The following KIRREL3 variants were observed in gnomAD, a reference collection of about 807,000 sequenced individuals.
KIRREL3 encodes kirre like nephrin family adhesion molecule 3, also known as kin of IRRE-like protein 3.
In KIRREL3, 36 loss-of-function variants were observed where a neutral mutation model predicts 89.7. The observed-to-expected ratio is 0.40, with a 90% CI of 0.31 to 0.53. The LOEUF is 0.53. KIRREL3 is among the 20% of genes least tolerant of loss of function. The probability of loss-of-function intolerance (pLI) is 0.49; values close to 1 mark genes in which losing one functional copy is unlikely to be tolerated. For synonymous variants in KIRREL3, 445 were observed against 441.4 expected (o/e 1.01, Z -0.10); for missense variants, 864 against 1,056.6 (o/e 0.82, Z 2.53).
chr11:126,897,142 C>A lies in KIRREL3; in HGVS notation c.55+103313G>T, dbSNP rs147557358. ...AAACAACTCCACAACTAAAGCAAAC[C>A]CTTCTGGTCACCCTGGGTCAGAGGA... On this transcript the variant is annotated intron_variant, in intron 1 of 16. Transcript: ENST00000525144. This position sits in a 1 kb window ranked among gnomAD's most constrained non-coding sequence, Gnocchi z 4.2. 2.3e-3 allele frequency among the ~76,000 whole-genome samples: 351 copies of A among 152,174 alleles called. 1 individual carries two copies. The highest frequency in any genetic ancestry group is 8.2e-3 in the African/African-American group (340 of 41,500).
At chr11:126,975,483 A>T (rs1313754997) in intron 1 of KIRREL3, among the ~76,000 whole-genome samples, 1 of 152,202 alleles carries the variant, frequency 6.6e-6, no homozygotes, top group Non-Finnish European at 1.5e-5. Context: ...AACCAGGGGT[A>T]CAGAAGTGGG....
rs1947404149 is a variant in KIRREL3 at position 126,703,689 on chromosome 11, A to G, written c.56-140777T>C. 6.6e-6 allele frequency among the ~76,000 whole-genome samples: 1 copy of G among 152,142 alleles called. No individual in the cohort carries two copies. Among genetic ancestry groups the G allele is most frequent in the Non-Finnish European group, 1.5e-5 (1 of 68,000 alleles). On this transcript the variant is annotated intron_variant, in intron 1 of 16. Coordinates refer to ENST00000525144, the MANE Select transcript of KIRREL3 (RefSeq NM_032531.4). This position sits in a 1 kb window ranked among gnomAD's most constrained non-coding sequence, Gnocchi z 4.6. ...TTTTCCTGAGGCCCACGGGCAGGGGAGGCAGGACTCCTAAGCCTGGGCCCT... is the reference window on the plus strand; with the variant it reads ...TTTTCCTGAGGCCCACGGGCAGGGGGGGCAGGACTCCTAAGCCTGGGCCCT...
chr11:126,677,535 C>T lies in KIRREL3; in HGVS notation c.56-114623G>A, dbSNP rs893512828. ...GTGCTGAGGTTCGGAGGTGAAATGA[C>T]TTGTCAGAGGCCCCAGGGACAGTCA... On this transcript the variant is annotated intron_variant, in intron 1 of 16. Transcript: ENST00000525144. The surrounding 1 kb of genome is among the most constrained non-coding windows in gnomAD (Gnocchi z 5.1). Among the ~76,000 whole-genome samples the T allele has an allele frequency of 1.3e-5, 2 of 152,168 alleles. No homozygotes were observed. The highest frequency in any genetic ancestry group is 2.9e-5 in the Non-Finnish European group (2 of 68,040).
chr11:126,448,650 T>C (rs540043506), intron 8 of KIRREL3, among the ~76,000 whole-genome samples: 292 of 152,170 alleles, frequency 1.9e-3, no homozygotes, highest in African/African-American at 6.7e-3. Context: ...AGAGCTTGCT[T>C]CTCTCTTTCT....
At position 126,668,838 on chromosome 11, in the gene KIRREL3, A is replaced by C. The variant is rs1344878077; in HGVS notation, c.56-105926T>G. On this transcript the variant is annotated intron_variant, in intron 1 of 16. Transcript: ENST00000525144. The surrounding 1 kb of genome is among the most constrained non-coding windows in gnomAD (Gnocchi z 4.4). ...TTAATAATGTTTGGCTCCATTTTAA[A>C]CCCCTGGCTCTGAGTGTGCTGCTAA... Among the ~76,000 whole-genome samples the C allele has an allele frequency of 6.7e-6, 1 of 149,642 alleles. No homozygotes were observed. The highest frequency in any genetic ancestry group is 1.5e-5 in the Non-Finnish European group (1 of 67,504).
At chr11:126,834,088 C>G (rs561166103) in intron 1 of KIRREL3, among the ~76,000 whole-genome samples, 1 of 152,110 alleles carries the variant, frequency 6.6e-6, no homozygotes, top group African/African-American at 2.4e-5. Context: ...AATTATGTAC[C>G]AGGAATAGCC....
In KIRREL3 at chr11:126,525,590, C is replaced by A. The variant is rs1180953430; in HGVS notation, c.283+948G>T. Reference sequence around the variant, plus strand: ...TGAGTGCACTTCGATTTTTATTTTCCTGCAGCTGTACACCATGCGAGAGGC... The same window carrying A: ...TGAGTGCACTTCGATTTTTATTTTCATGCAGCTGTACACCATGCGAGAGGC... On this transcript the variant is annotated intron_variant, in intron 3 of 16. Transcript: ENST00000525144. This position sits in a 1 kb window ranked among gnomAD's most constrained non-coding sequence, Gnocchi z 5.4. Among the ~76,000 whole-genome samples the A allele has an allele frequency of 6.6e-6, 1 of 152,140 alleles. No individual in the cohort carries two copies. Among genetic ancestry groups the A allele is most frequent in the African/African-American group, 2.4e-5 (1 of 41,426 alleles).
chr11:126,649,818 G>T (rs1178085318), intron 1 of KIRREL3, among the ~76,000 whole-genome samples: 2 of 152,228 alleles, frequency 1.3e-5, no homozygotes, highest in Admixed American at 1.3e-4. Flanking sequence ...ACTAGGCAGT[G>T]CCCTAGTAGG....
At chr11:126,540,826 C>A (rs1028119195) in intron 2 of KIRREL3, among the ~76,000 whole-genome samples, 6 of 152,296 alleles carry the variant, frequency 3.9e-5, no homozygotes, top group Admixed American at 6.5e-5. Context: ...AAGCAGAGAC[C>A]CTGGCTGTGG....
At chr11:126,503,753 A>AG (rs1957935811) in intron 4 of KIRREL3, among the ~76,000 whole-genome samples, 1 of 151,404 alleles carries the variant, frequency 6.6e-6, no homozygotes, top group African/African-American at 2.4e-5. Context: ...TTGAAAGAGG[A>AG]AGAGAGAGAA....
chr11:126,537,096 C>T lies in KIRREL3; in HGVS notation c.134-10409G>A, dbSNP rs1309971128. On this transcript the variant is annotated intron_variant, in intron 2 of 16. Coordinates refer to ENST00000525144, the MANE Select transcript of KIRREL3 (RefSeq NM_032531.4). The surrounding 1 kb of genome is among the most constrained non-coding windows in gnomAD (Gnocchi z 4.3). ...GCAGCAGATTGAGGGGACATGACCA[C>T]TCCCCTTAGGATTAAACCCAGTCAG... Among the ~76,000 whole-genome samples, 1 of 152,190 alleles carries T rather than the reference C, an allele frequency of 6.6e-6. No individual in the cohort carries two copies. The highest frequency in any genetic ancestry group is 1.9e-4 in the East Asian group (1 of 5,196).
intron 5 of KIRREL3, among the ~76,000 whole-genome samples, chr11:126,465,072 AG>A (rs1327979194): frequency 1.3e-5 from 2 of 151,712 alleles, no homozygotes; most frequent in Admixed American, 6.6e-5. Flanking sequence ...GGGTGTGCTG[AG>A]TGTGTGTGGG....
At chr11:126,881,835 A>G (rs1358423005) in intron 1 of KIRREL3, among the ~76,000 whole-genome samples, 1 of 152,212 alleles carries the variant, frequency 6.6e-6, no homozygotes, top group African/African-American at 2.4e-5. Flanking sequence ...GATGTGAGCC[A>G]CTGAGCCCGG....
rs1171019926 is a variant in KIRREL3, at chr11:126,917,287, T to C, written c.55+83168A>G. Among the ~76,000 whole-genome samples the C allele has an allele frequency of 6.6e-6, 1 of 152,152 alleles. No individual in the cohort carries two copies. On this transcript the variant is annotated intron_variant, in intron 1 of 16. Transcript: ENST00000525144. The surrounding 1 kb of genome is among the most constrained non-coding windows in gnomAD (Gnocchi z 5.0). ...AAAATAAAAAATAGATTAAAGGTTA[T>C]CAGGACTGAGACGGAAGGAAGTGGG...
At chr11:126,517,316 A>G (rs1211197645) in intron 4 of KIRREL3, among the ~76,000 whole-genome samples, 18 of 152,200 alleles carry the variant, frequency 1.2e-4, no homozygotes, top group Admixed American at 1.2e-3. Flanking sequence ...TCCAGCCTTA[A>G]GGACCTTGCC....
rs1177018007 is a variant in KIRREL3, at chr11:126,898,373, T to C, written c.55+102082A>G. On this transcript the variant is annotated intron_variant, in intron 1 of 16. Coordinates refer to ENST00000525144, the MANE Select transcript of KIRREL3 (RefSeq NM_032531.4). The surrounding 1 kb of genome is among the most constrained non-coding windows in gnomAD (Gnocchi z 4.9). ...TTCCTGGCAGTACTTAATGAAATTG[T>C]GCATGCATATATCCTAAGGCACATA... is the stretch of plus-strand genomic sequence containing the variant. Among the ~76,000 whole-genome samples the C allele has an allele frequency of 6.6e-6, 1 of 152,216 alleles. No individual in the cohort carries two copies. The highest frequency in any genetic ancestry group is 1.5e-5 in the Non-Finnish European group (1 of 68,044).
At position 126,750,986 on chromosome 11, in the gene KIRREL3, C is replaced by G. The variant is rs1362942975; in HGVS notation, c.56-188074G>C. On this transcript the variant is annotated intron_variant, in intron 1 of 16. Transcript: ENST00000525144. The surrounding 1 kb of genome is among the most constrained non-coding windows in gnomAD (Gnocchi z 4.2). Reference sequence around the variant, plus strand: ...GTTTATTATCTTAATATGATCTTGTCTAATTTATCCATATGGATGTGTACA... The same window carrying G: ...GTTTATTATCTTAATATGATCTTGTGTAATTTATCCATATGGATGTGTACA... 2.0e-5 allele frequency among the ~76,000 whole-genome samples: 3 copies of G among 152,130 alleles called. No individual in the cohort carries two copies. Among genetic ancestry groups the G allele is most frequent in the Non-Finnish European group, 4.4e-5 (3 of 68,034 alleles).
intron 1 of KIRREL3, among the ~76,000 whole-genome samples, chr11:126,951,891 G>T (rs902960022): frequency 1.3e-5 from 2 of 152,166 alleles, no homozygotes; most frequent in Admixed American, 6.5e-5. Flanking sequence ...GAAATCTGTA[G>T]TGATGAACTT....
chr11:126,639,193 C>A lies in KIRREL3; in HGVS notation c.56-76281G>T, dbSNP rs1365514346. ...GGAAACTTAAGCTCTGGAGGGCCAC[C>A]TGTCAGATGAGATTTGCCTTCAAAG... On this transcript the variant is annotated intron_variant, in intron 1 of 16. Transcript: ENST00000525144. This position sits in a 1 kb window ranked among gnomAD's most constrained non-coding sequence, Gnocchi z 4.3. Among the ~76,000 whole-genome samples the A allele has an allele frequency of 2.0e-5, 3 of 152,180 alleles. No individual in the cohort carries two copies. Among genetic ancestry groups the A allele is most frequent in the Non-Finnish European group, 2.9e-5 (2 of 68,036 alleles).
Sources: allele counts gnomAD v4.1 joint callset (sites outside exome capture counted in the v4.1 genomes callset), GRCh38; gene constraint gnomAD v4.1.1; non-coding constraint Gnocchi (gnomAD v3.1); transcripts MANE v1.5; gene names NCBI Gene and HGNC (gene_info 2026-07-23, HGNC 2026-07-21).